PITPNM1: variants seen among roughly 807,000 people sequenced by gnomAD.
PITPNM1 encodes phosphatidylinositol transfer protein membrane associated 1.
In PITPNM1, 74 loss-of-function variants were observed where a neutral mutation model predicts 133.3. The ratio of observed to expected loss-of-function variants is 0.56; its 90% confidence interval spans 0.46 to 0.67. PITPNM1 has a LOEUF of 0.67. PITPNM1 is among the 30% of genes least tolerant of loss of function. PITPNM1 has a pLI of 0.00. For synonymous variants in PITPNM1, 738 were observed against 741.4 expected (o/e 1.00, Z 0.08); for missense variants, 1,398 against 1,739.5 (o/e 0.80, Z 3.49).
intron 5 of PITPNM1, 52 bp downstream of exon 5, chr11:67,501,810 T>C: frequency 6.8e-7 from 1 of 1,480,470 alleles, no homozygotes; most frequent in Non-Finnish European, 9.3e-7. Context: ...GCCCTAAACA[T>C]GGGGTCTGGG....
In PITPNM1 at chr11:67,502,301, G is replaced by A. The variant is rs776161360; in HGVS notation, c.406C>T (p.Arg136Cys). The change falls in exon 4 of 24, where the codon CGC becomes TGC. Residue 136 changes from arginine to cysteine, a missense_variant. Physicochemically the swap from Arg to Cys is radical, Grantham distance 180 (BLOSUM62 -3). Around this residue, in one of 5 missense-constraint regions of PITPNM1, gnomAD observed 274 missense variants for 360.7 expected, o/e 0.76. Coordinates refer to ENST00000356404, the MANE Select transcript of PITPNM1 (RefSeq NM_004910.3). The surrounding 1 kb of genome is among the most constrained non-coding windows in gnomAD (Gnocchi z 5.9). ...TAGCTCCAGGCCTCACCCAGGATGCGCTGTCTCCTCTCGGCCCCGCTCAGG... is the reference window on the plus strand; with the variant it reads ...TAGCTCCAGGCCTCACCCAGGATGCACTGTCTCCTCTCGGCCCCGCTCAGG... ...FNLSGAERRQ[R>C]ILDTIDIVRD... The A allele has an allele frequency of 1.6e-5, 26 of 1,612,944 alleles. No homozygotes were observed. The highest frequency in any genetic ancestry group is 3.3e-5 in the South Asian group (3 of 91,086).
chr11:67,496,188 G>A lies in PITPNM1; in HGVS notation c.2307C>T (p.Ser769=). Residue 769 remains serine (S), a synonymous_variant, in exon 15 of 24, where the codon TCC becomes TCT. Transcript: ENST00000356404. ...YQKFPLGDGS[S]LLLADTLQTH... ...TGTTTGGGGGCGTACCCAGCAGCAG[G>A]GATGAGCCATCTCCCAGGGGGAACT... The A allele has an allele frequency of 6.5e-7, 1 of 1,536,518 alleles. No homozygotes were observed. The highest frequency in any genetic ancestry group is 1.2e-5 in the South Asian group (1 of 81,074).
chr11:67,497,827 C>A, intron 12 of PITPNM1, 90 bp downstream of exon 12: 1 of 1,471,936 alleles, frequency 6.8e-7, no homozygotes, highest in South Asian at 1.2e-5. Flanking sequence ...GGCCTGCCTG[C>A]TGGCAGAGGG....
Position 67,493,423 on chromosome 11 carries a change from C to A in PITPNM1, c.3329G>T (p.Ser1110Ile). Residue 1110 changes from serine (S) to isoleucine (I), a missense_variant, in exon 22 of 24, where the codon AGC becomes ATC. Around this residue, in one of 5 missense-constraint regions of PITPNM1, gnomAD observed 233 missense variants for 378.0 expected, o/e 0.62. Coordinates refer to ENST00000356404, the MANE Select transcript of PITPNM1 (RefSeq NM_004910.3). The part of the protein sequence containing the change: ...PLRQKAMFLQ[S>I]LVQEVELNIV... ...CAGCCGCCGCACCTCCTGCACCAGGCTCTGCAGAAACATTGCCTTCTGGCG... is the reference window on the plus strand; with the variant it reads ...CAGCCGCCGCACCTCCTGCACCAGGATCTGCAGAAACATTGCCTTCTGGCG... 6.3e-7 allele frequency: 1 copy of A among 1,593,338 alleles called. No homozygotes were observed.
In PITPNM1 at chr11:67,497,283, G is replaced by C. The variant is rs1017743103; in HGVS notation, c.2094C>G (p.Ser698=). 1 of 1,612,500 alleles carries C rather than the reference G, an allele frequency of 6.2e-7. No individual in the cohort carries two copies. Residue 698 remains serine, a synonymous_variant, in exon 14 of 24, where the codon TCC becomes TCG. Coordinates refer to ENST00000356404, the MANE Select transcript of PITPNM1 (RefSeq NM_004910.3). ...GCAGAGCCAGCACCAGGCCCAGTGGGGAGCCGAAGAGGAAGAAGCCAGAGA... is the reference window on the plus strand; with the variant it reads ...GCAGAGCCAGCACCAGGCCCAGTGGCGAGCCGAAGAGGAAGAAGCCAGAGA... ...FKVSGFFLFG[S]PLGLVLALRK...
rs573745944 is a variant in PITPNM1 at position 67,491,983 on chromosome 11, G to A, written c.*50C>T. 1.4e-5 allele frequency: 22 copies of A among 1,578,784 alleles called. No individual in the cohort carries two copies. In the South Asian group the frequency reaches 1.8e-4, roughly 13 times the overall value. Reference sequence around the variant, plus strand: ...CCAGCCTCCCACACGCAGCCCCTCGGGCCCCTTGGGTGTGTCAATAAATAA... The same window carrying A: ...CCAGCCTCCCACACGCAGCCCCTCGAGCCCCTTGGGTGTGTCAATAAATAA... On this transcript the variant is annotated 3_prime_UTR_variant, in exon 24 of 24. Coordinates refer to ENST00000356404, the MANE Select transcript of PITPNM1 (RefSeq NM_004910.3).
In PITPNM1 at chr11:67,495,571, A is replaced by C; in HGVS notation, c.2349T>G (p.Phe783Leu). ...ADTLQTHSSL[F>L]LEELEMLVPS... Reference sequence around the variant, plus strand: ...GCACCAGCATCTCCAGCTCCTCCAGAAAGAGGCTGGAGTGCGTCTGCAGAG... The same window carrying C: ...GCACCAGCATCTCCAGCTCCTCCAGCAAGAGGCTGGAGTGCGTCTGCAGAG... The change falls in exon 16 of 24, where the codon TTT becomes TTG. Residue 783 changes from phenylalanine to leucine, a missense_variant. Transcript: ENST00000356404. 1.3e-6 allele frequency: 2 copies of C among 1,585,724 alleles called. No homozygotes were observed. The highest frequency in any genetic ancestry group is 1.7e-6 in the Non-Finnish European group (2 of 1,169,824).
In PITPNM1 at chr11:67,504,399, G is replaced by A. The variant is rs1053502538; in HGVS notation, c.-41-178C>T. ...CGGGGCCGGGAGCCGCAGCGAGGCT[G>A]AGCGCTGACCTCTTTTCCGCGCAGC... is the stretch of plus-strand genomic sequence containing the variant. On this transcript the variant is annotated intron_variant, in intron 1 of 23. Coordinates refer to ENST00000356404, the MANE Select transcript of PITPNM1 (RefSeq NM_004910.3). This position sits in a 1 kb window ranked among gnomAD's most constrained non-coding sequence, Gnocchi z 5.4. The A allele has an allele frequency of 2.2e-5, 5 of 225,906 alleles. No individual in the cohort carries two copies. The highest frequency in any genetic ancestry group is 1.7e-4 in the Admixed American group (3 of 17,264). The allele number at this position is 225,906 out of a possible 1,614,324, so 14.0% of individuals were successfully genotyped here.
chr11:67,496,357 C>T lies in PITPNM1; in HGVS notation c.2147-9G>A, dbSNP rs1194724328. On this transcript the variant is annotated splice_polypyrimidine_tract_variant and intron_variant, in intron 14 of 23. Coordinates refer to ENST00000356404, the MANE Select transcript of PITPNM1 (RefSeq NM_004910.3). The stretch of plus-strand genomic sequence containing the variant: ...TGGGCGCATCTGGGCTGCTGGTACC[C>T]AGAAGACAGAGAAAGATTGTGGGGT... The T allele has an allele frequency of 6.4e-7, 1 of 1,566,492 alleles. No individual in the cohort carries two copies. The highest frequency in any genetic ancestry group is 1.4e-5 in the African/African-American group (1 of 71,818).
intron 16 of PITPNM1, 100 bp from the exon 17 acceptor site, chr11:67,495,325 C>G (rs1470107233): frequency 8.1e-6 from 12 of 1,472,518 alleles, no homozygotes; most frequent in Non-Finnish European, 1.1e-5. Flanking sequence ...CCAGCCTGCT[C>G]TTTGCCAAGT....
At chr11:67,496,492 T>C in intron 14 of PITPNM1, 144 bp from the exon 15 acceptor site, 1 of 662,404 alleles carries the variant, frequency 1.5e-6, no homozygotes, top group Non-Finnish European at 2.4e-6. Flanking sequence ...GGGAAGTCAG[T>C]AGGGCCCTGC....
Position 67,498,875 on chromosome 11 carries a change from G to A in PITPNM1, c.1234-29C>T, listed in dbSNP as rs145158021. The stretch of plus-strand genomic sequence containing the variant: ...GGGGGAACAATGGGGTGCAGTGGGT[G>A]TCACAGCAGTGGCCGGGCCAGTGAG... On this transcript the variant is annotated intron_variant, in intron 9 of 23. Transcript: ENST00000356404. This position sits in a 1 kb window ranked among gnomAD's most constrained non-coding sequence, Gnocchi z 5.7. 85 of 1,609,460 alleles carry A rather than the reference G, an allele frequency of 5.3e-5. No homozygotes were observed. The African/African-American group carries it at 1.1e-3, about 20-fold the overall frequency.
chr11:67,494,657 A>G lies in PITPNM1; in HGVS notation c.2742+189T>C, dbSNP rs931856644. Among the ~76,000 whole-genome samples, 4 of 149,478 alleles carry G rather than the reference A, an allele frequency of 2.7e-5. 1 individual carries two copies. The South Asian group carries it at 6.5e-4, about 24-fold the overall frequency. ...CAAACTTCCCGCAGAGGGCGGGGAG[A>G]CCAGCGGTTCCCAGGGGCGGGGCTG... On this transcript the variant is annotated intron_variant, in intron 18 of 23. Transcript: ENST00000356404.
chr11:67,494,575 G>A (rs1048389119), intron 18 of PITPNM1, among the ~76,000 whole-genome samples: 4 of 152,156 alleles, frequency 2.6e-5, no homozygotes, highest in Non-Finnish European at 5.9e-5. Flanking sequence ...GCTGTGACAG[G>A]ACGGGATGCA....
At chr11:67,496,149 T>C (rs773336737) in intron 15 of PITPNM1, 29 bp downstream of exon 15, 5 of 1,481,290 alleles carry the variant, frequency 3.4e-6, no homozygotes, top group Non-Finnish European at 3.6e-6. Flanking sequence ...CCCTCCTCCT[T>C]CTCCCCTTTA....
chr11:67,499,583 ATCCATCCATCC>A (rs1866250328), intron 8 of PITPNM1, 129 bp downstream of exon 8: 1 of 298,730 alleles, frequency 3.3e-6, no homozygotes, highest in Non-Finnish European at 5.7e-6. Context: ...CCATCCATCC[ATCCATCCATCC>A]ACCATTCATT....
In PITPNM1 at chr11:67,502,787, CT is replaced by C; in HGVS notation, c.79-70del. ...TAGCATCTGGGATCCCCAGCTCAGC[CT>C]GGTGTTCTACACAGCTCTGGGGCCC... On this transcript the variant is annotated intron_variant, in intron 2 of 23. Transcript: ENST00000356404. The surrounding 1 kb of genome is among the most constrained non-coding windows in gnomAD (Gnocchi z 5.9). The C allele has an allele frequency of 6.6e-7, 1 of 1,508,470 alleles. No individual in the cohort carries two copies. Among genetic ancestry groups the C allele is most frequent in the South Asian group, 1.1e-5 (1 of 87,950 alleles). The allele number at this position is 1,508,470 out of a possible 1,614,324, so 93.4% of individuals were successfully genotyped here.
At position 67,498,343 on chromosome 11, in the gene PITPNM1, C is replaced by A. The variant is rs2298588; in HGVS notation, c.1485-21G>T. The A allele has an allele frequency of 6.3e-3, 9,711 of 1,533,594 alleles. 160 individuals carry two copies. In the East Asian group the frequency reaches 0.07, roughly 11 times the overall value. 95.0% of individuals were successfully genotyped at this position (1,533,594 alleles called of 1,614,324 possible). ...TCAGGCTGTAGGAGGGGGAAATGTG[C>A]GTGGGTGAGGGGCTTCCAGACCCAC... On this transcript the variant is annotated intron_variant, in intron 10 of 23. Transcript: ENST00000356404. This position sits in a 1 kb window ranked among gnomAD's most constrained non-coding sequence, Gnocchi z 5.7.
intron 2 of PITPNM1, chr11:67,503,876 C>A: frequency 4.6e-6 from 2 of 430,328 alleles, no homozygotes; most frequent in Admixed American, 4.2e-5. Flanking sequence ...GATTACAGAT[C>A]CTGAGGAGGA....
Sources: allele counts gnomAD v4.1 joint callset (sites outside exome capture counted in the v4.1 genomes callset), GRCh38; gene constraint gnomAD v4.1.1; regional missense constraint gnomAD v4.1.1; non-coding constraint Gnocchi (gnomAD v3.1); transcripts MANE v1.5; gene names NCBI Gene and HGNC (gene_info 2026-07-23, HGNC 2026-07-21).